Variants in BTG4 observed in about 807,000 individuals in gnomAD.
BTG4 encodes the protein BTG anti-proliferation factor 4.
A neutral mutation model predicts 19.3 loss-of-function variants in BTG4; 10 were observed. The observed-to-expected ratio is 0.52, with a 90% CI of 0.32 to 0.88. BTG4 has a LOEUF of 0.88. Among genes scored for constraint, BTG4 ranks in the 40% least tolerant of loss-of-function variants. BTG4 has a pLI of 0.04. For synonymous variants in BTG4, 91 were observed against 95.7 expected (o/e 0.95, Z 0.29); for missense variants, 238 against 281.9 (o/e 0.84, Z 1.11).
intron 1 of BTG4, among the ~76,000 whole-genome samples, chr11:111,509,256 G>T (rs548802618): frequency 6.6e-6 from 1 of 152,248 alleles, no homozygotes; most frequent in South Asian, 2.1e-4. Flanking sequence ...CAAAGGCACT[G>T]AATTGACTTC....
At chr11:111,455,053 C>A in the BTG4 span, 6 of 455,788 alleles carry the variant, frequency 1.3e-5, no homozygotes, top group South Asian at 9.3e-5. Context: ...CTCCGCTAAC[C>A]GGCTTCTGAG....
chr11:111,465,912 A>C (rs759612366), downstream of BTG4, among the ~76,000 whole-genome samples: 1 of 152,158 alleles, frequency 6.6e-6, no homozygotes, highest in Non-Finnish European at 1.5e-5. Flanking sequence ...AAAAAAGTTT[A>C]CTGACTCCAG....
At chr11:111,395,237 C>T in the BTG4 span, among the ~76,000 whole-genome samples, 2 of 152,234 alleles carry the variant, frequency 1.3e-5, no homozygotes, top group Non-Finnish European at 2.9e-5. Context: ...CCAGGAGAGA[C>T]CGGCCTGAGG....
chr11:111,455,622 T>C, the BTG4 span: 2 of 304,540 alleles, frequency 6.6e-6, no homozygotes, highest in East Asian at 8.2e-5. Flanking sequence ...CCCAGAAAAG[T>C]GTGGATCTGG....
downstream of BTG4, among the ~76,000 whole-genome samples, chr11:111,464,895 A>G (rs1052403447): frequency 1.3e-5 from 2 of 152,224 alleles, no homozygotes; most frequent in African/African-American, 4.8e-5. Context: ...CAAATTTCCA[A>G]AAGGGAATTT....
At chr11:111,487,039 G>A (rs1445553577) in intron 5 of BTG4, among the ~76,000 whole-genome samples, 2 of 151,672 alleles carry the variant, frequency 1.3e-5, no homozygotes, top group Non-Finnish European at 2.9e-5. Context: ...TGTTCTCATT[G>A]TTCAGCTCCA....
intron 5 of BTG4, among the ~76,000 whole-genome samples, chr11:111,470,172 T>C (rs1462169987): frequency 6.6e-6 from 1 of 152,232 alleles, no homozygotes; most frequent in Non-Finnish European, 1.5e-5. Flanking sequence ...TACAGCTGAC[T>C]GCAGCCTTGA....
chr11:111,480,613 C>T (rs1039527529), intron 5 of BTG4, among the ~76,000 whole-genome samples: 1 of 151,774 alleles, frequency 6.6e-6, no homozygotes, highest in Non-Finnish European at 1.5e-5. Flanking sequence ...GTGTATTGTC[C>T]AACCAGAACA....
the BTG4 span, among the ~76,000 whole-genome samples, chr11:111,407,124 A>G: frequency 6.7e-6 from 1 of 149,450 alleles, no homozygotes; most frequent in Non-Finnish European, 1.5e-5. Context: ...ATTATCATAT[A>G]CTATATATTA....
chr11:111,500,713 G>A (rs1866018183), intron 1 of BTG4, among the ~76,000 whole-genome samples: 2 of 151,672 alleles, frequency 1.3e-5, no homozygotes, highest in Admixed American at 1.3e-4. Flanking sequence ...AATGCTCCAG[G>A]TGTGCTCCAC....
the BTG4 span, chr11:111,460,265 C>A: frequency 2.0e-5 from 3 of 152,628 alleles, no homozygotes; most frequent in African/African-American, 7.2e-5. Context: ...GACTAGAAAG[C>A]CTGGTCCTGT....
At chr11:111,484,512 G>A (rs1864935547) in intron 5 of BTG4, among the ~76,000 whole-genome samples, 1 of 152,074 alleles carries the variant, frequency 6.6e-6, no homozygotes, top group African/African-American at 2.4e-5. Flanking sequence ...GAGTTCAAGT[G>A]TAGTGTTTTA....
the BTG4 span, among the ~76,000 whole-genome samples, chr11:111,405,564 G>A: frequency 6.6e-6 from 1 of 152,096 alleles, no homozygotes; most frequent in Non-Finnish European, 1.5e-5. Flanking sequence ...ATCTGTAGCA[G>A]ACTCCAGATA....
chr11:111,420,442 C>A, the BTG4 span, among the ~76,000 whole-genome samples: 1 of 152,150 alleles, frequency 6.6e-6, no homozygotes, highest in African/African-American at 2.4e-5. Flanking sequence ...ACCAAAAGAC[C>A]AAGGATCAGG....
chr11:111,473,361 A>C (rs1432397104), intron 5 of BTG4: 1 of 152,636 alleles, frequency 6.6e-6, no homozygotes, highest in Non-Finnish European at 1.5e-5. Flanking sequence ...CCTAAAAAGC[A>C]TCCTCGCTGC....
the BTG4 span, among the ~76,000 whole-genome samples, chr11:111,434,063 G>A: frequency 6.6e-6 from 1 of 152,168 alleles, no homozygotes. Context: ...TATACCCAAA[G>A]GATTATAAAT....
the BTG4 span, among the ~76,000 whole-genome samples, chr11:111,418,970 G>C: frequency 6.1e-4 from 93 of 152,194 alleles, no homozygotes; most frequent in Non-Finnish European, 1.0e-3. Context: ...TCTTCTGGGA[G>C]CTCCTCTCCT....
At chr11:111,412,838 A>G in the BTG4 span, among the ~76,000 whole-genome samples, 1 of 152,248 alleles carries the variant, frequency 6.6e-6, no homozygotes, top group Non-Finnish European at 1.5e-5. Context: ...ATTTTATCAT[A>G]AAACTTGGGG....
chr11:111,421,256 G>A, the BTG4 span, among the ~76,000 whole-genome samples: 1 of 152,196 alleles, frequency 6.6e-6, no homozygotes, highest in East Asian at 1.9e-4. Flanking sequence ...GGGCTTGGGG[G>A]AGGATGAGAT....
Sources: gnomAD v4.1 joint callset for allele counts (sites outside exome capture counted in the v4.1 genomes callset) on GRCh38, gnomAD v4.1.1 for gene constraint, MANE v1.5 for transcripts, NCBI Gene and HGNC (gene_info 2026-07-23, HGNC 2026-07-21) for gene names.